Variants in COL28A1 observed in about 807,000 individuals in gnomAD.
COL28A1 encodes collagen type XXVIII alpha 1 chain.
In COL28A1, 161 loss-of-function variants were observed where a neutral mutation model predicts 150.2. The observed-to-expected ratio is 1.07, with a 90% CI of 0.94 to 1.22. The LOEUF (loss-of-function observed/expected upper bound fraction) is 1.22. Among genes scored for constraint, COL28A1 ranks in the 50% most tolerant of loss-of-function variants. COL28A1 has a pLI of 0.00. For missense variants in COL28A1, 1,617 were observed against 1,388.3 expected, an observed-to-expected ratio of 1.16 and a Z score of -2.62; for synonymous variants, 552 against 469.7, an observed-to-expected ratio of 1.18 and a Z score of -2.26.
chr7:7,373,381 T>C lies in COL28A1; in HGVS notation c.2525A>G (p.Tyr842Cys). 4 of 1,614,224 alleles carry C rather than the reference T, an allele frequency of 2.5e-6. No homozygotes were observed. Among genetic ancestry groups the C allele is most frequent in the East Asian group, 2.2e-5 (1 of 44,890 alleles). Residue 842 changes from tyrosine to cysteine, a missense_variant, in exon 32 of 35, where the codon TAT (tyrosine) becomes TGT (cysteine). Tyr to Cys is a radical substitution (Grantham distance 194). Coordinates refer to ENST00000399429, the MANE Select transcript of COL28A1 (RefSeq NM_001037763.3). The surrounding 1 kb of genome is among the most constrained non-coding windows in gnomAD (Gnocchi z 4.1). ...LATARIGIIN[Y>C]SHKVEKVANL... ...AGCCACCTTCTCCACCTTATGGCTA[T>C]AGTTGATTATGCCTATGCGGGCCGT...
At chr7:7,504,763 T>C (rs573309765) in intron 11 of COL28A1, among the ~76,000 whole-genome samples, 1 of 152,154 alleles carries the variant, frequency 6.6e-6, no homozygotes, top group East Asian at 1.9e-4. Flanking sequence ...ATCTCTAACA[T>C]CCCTAGTGGC....
chr7:7,485,928 A>G (rs1779602611), intron 13 of COL28A1, among the ~76,000 whole-genome samples: 1 of 152,196 alleles, frequency 6.6e-6, no homozygotes, highest in Admixed American at 6.5e-5. Context: ...GTTTTTTAAA[A>G]GCTATTCTAG....
chr7:7,342,606 T>C, the COL28A1 span, among the ~76,000 whole-genome samples: 2 of 152,048 alleles, frequency 1.3e-5, no homozygotes, highest in Non-Finnish European at 2.9e-5. Context: ...TCTATTCTTG[T>C]ATTGCTTTTC....
chr7:7,386,853 A>G (rs1782214587), intron 27 of COL28A1, among the ~76,000 whole-genome samples: 1 of 152,168 alleles, frequency 6.6e-6, no homozygotes, highest in Non-Finnish European at 1.5e-5. Flanking sequence ...TGGCTTATAA[A>G]CAACAGCAGA....
chr7:7,477,754 A>G (rs1346623056), intron 13 of COL28A1, among the ~76,000 whole-genome samples: 3 of 152,206 alleles, frequency 2.0e-5, no homozygotes, highest in Non-Finnish European at 4.4e-5. Context: ...GCAAAAGAAC[A>G]AAGCTTCCAC....
chr7:7,363,826 C>T (rs932231890), intron 33 of COL28A1, among the ~76,000 whole-genome samples: 6 of 152,082 alleles, frequency 3.9e-5, no homozygotes, highest in Admixed American at 1.3e-4. Context: ...GACAGAGTCT[C>T]GCTCTGTTGC....
intron 33 of COL28A1, among the ~76,000 whole-genome samples, chr7:7,366,340 G>A (rs1459726330): frequency 4.6e-5 from 7 of 151,958 alleles, no homozygotes; most frequent in East Asian, 1.9e-4. Context: ...TAATAAAATC[G>A]AAAAACTACA....
At chr7:7,517,966 A>T in intron 6 of COL28A1, 129 bp from the exon 7 acceptor site, 1 of 1,172,212 alleles carries the variant, frequency 8.5e-7, no homozygotes, top group Non-Finnish European at 1.2e-6. Context: ...TCCCGTTGAC[A>T]TTTTCACTAT....
chr7:7,445,680 T>C (rs934479853), intron 18 of COL28A1, among the ~76,000 whole-genome samples: 1 of 152,156 alleles, frequency 6.6e-6, no homozygotes, highest in Non-Finnish European at 1.5e-5. Context: ...GTTTAAAGCA[T>C]CTTTATGGCA....
At chr7:7,474,136 T>C (rs61404535) in intron 15 of COL28A1, among the ~76,000 whole-genome samples, 47,430 of 149,422 alleles carry the variant, frequency 0.32, 9,786 homozygotes, top group African/African-American at 0.59. Flanking sequence ...TAATGGCATT[T>C]GCAGTGACCT....
At chr7:7,411,107 G>C (rs553671560) in intron 27 of COL28A1, among the ~76,000 whole-genome samples, 8 of 152,272 alleles carry the variant, frequency 5.3e-5, no homozygotes, top group African/African-American at 1.9e-4. Flanking sequence ...ACAGAATCCT[G>C]ACATTCTTTC....
chr7:7,489,218 C>T (rs1415022097), intron 13 of COL28A1, among the ~76,000 whole-genome samples, 171 bp downstream of exon 13: 5 of 152,094 alleles, frequency 3.3e-5, no homozygotes, highest in African/African-American at 1.2e-4. Flanking sequence ...TGCAGTGAGC[C>T]GAGATCATGC....
rs113770631 is a variant in COL28A1, at chr7:7,412,905, G to GA, written c.2136+4953dup. The stretch of plus-strand genomic sequence containing the variant: ...AATGATTTGTCTAAGGTTACAACTA[G>GA]AAAAAATCGAAACCCAGATTCAGGC... On this transcript the variant is annotated intron_variant, in intron 27 of 34. Transcript: ENST00000399429. Among the ~76,000 whole-genome samples, 911 of 152,214 alleles carry GA rather than the reference G, an allele frequency of 6.0e-3. 19 individuals are homozygous for GA. Among genetic ancestry groups the GA allele is most frequent in the African/African-American group, 0.021 (861 of 41,486 alleles).
chr7:7,390,093 G>C (rs1782445162), intron 27 of COL28A1, among the ~76,000 whole-genome samples: 1 of 152,112 alleles, frequency 6.6e-6, no homozygotes, highest in Non-Finnish European at 1.5e-5. Context: ...AATGCTTCCA[G>C]TTTTTGCCCA....
chr7:7,414,310 A>G (rs1783947375), intron 27 of COL28A1, among the ~76,000 whole-genome samples: 1 of 152,206 alleles, frequency 6.6e-6, no homozygotes, highest in Admixed American at 6.5e-5. Flanking sequence ...GCAGCATCAT[A>G]TAACTTCCTG....
chr7:7,509,125 C>T (rs567253808), intron 9 of COL28A1, among the ~76,000 whole-genome samples: 33 of 152,082 alleles, frequency 2.2e-4, no homozygotes, highest in Non-Finnish European at 4.3e-4. Context: ...TAAGCCACCA[C>T]GCCCAGCCTA....
At chr7:7,518,898 G>A (rs974001927) in intron 6 of COL28A1, among the ~76,000 whole-genome samples, 5 of 152,060 alleles carry the variant, frequency 3.3e-5, no homozygotes, top group African/African-American at 9.7e-5. Flanking sequence ...AATTAAATGT[G>A]CTTTTACTTT....
chr7:7,464,681 C>T (rs1479081018), intron 15 of COL28A1, among the ~76,000 whole-genome samples: 3 of 152,214 alleles, frequency 2.0e-5, no homozygotes, highest in South Asian at 2.1e-4. Flanking sequence ...GAGGAAAGTT[C>T]ATAGCCCTAA....
At chr7:7,417,025 A>T (rs1784118917) in intron 27 of COL28A1, among the ~76,000 whole-genome samples, 1 of 152,102 alleles carries the variant, frequency 6.6e-6, no homozygotes, top group Admixed American at 6.5e-5. Flanking sequence ...TATGTAAAAT[A>T]AAAAACCAGC....
Sources: allele counts gnomAD v4.1 joint callset (sites outside exome capture counted in the v4.1 genomes callset), GRCh38; gene constraint gnomAD v4.1.1; non-coding constraint Gnocchi (gnomAD v3.1); transcripts MANE v1.5; gene names NCBI Gene and HGNC (gene_info 2026-07-23, HGNC 2026-07-21).